Variants in CARNMT1 observed in about 807,000 individuals in gnomAD.
CARNMT1 encodes carnosine N-methyltransferase 1, also known as protein-L-histidine N-pros-methyltransferase CARNMT1.
Under a neutral mutation model 49.6 loss-of-function variants are expected in CARNMT1, and 28 were observed. The ratio of observed to expected loss-of-function variants is 0.56; its 90% CI spans 0.42 to 0.77. CARNMT1 has a LOEUF of 0.77. CARNMT1 is among the 30% of genes least tolerant of loss of function. The probability of loss-of-function intolerance (pLI) is 0.00; values close to 1 mark genes in which losing one functional copy is unlikely to be tolerated. For missense variants in CARNMT1, 421 were observed against 512.6 expected (o/e 0.82, Z 1.73); for synonymous variants, 178 against 175.0 (o/e 1.02, Z -0.13).
chr9:75,023,636 T>C (rs1822441546), intron 1 of CARNMT1, among the ~76,000 whole-genome samples: 1 of 152,366 alleles, frequency 6.6e-6, no homozygotes, highest in Non-Finnish European at 1.5e-5. Flanking sequence ...ATCCTTATTA[T>C]ACCCTTATAA....
intron 5 of CARNMT1, 76 bp downstream of exon 5, chr9:74,998,522 C>A: frequency 8.3e-7 from 1 of 1,211,870 alleles, no homozygotes; most frequent in Non-Finnish European, 1.1e-6. Context: ...TGATCTAAAC[C>A]TTGGCTTAGG....
At chr9:75,028,377 C>G, upstream of CARNMT1, 1 of 1,299,144 alleles carries the variant, frequency 7.7e-7, no homozygotes, top group South Asian at 2.4e-5. Flanking sequence ...CCCCCGCCAC[C>G]CTCAGGCCTC....
intron 1 of CARNMT1, among the ~76,000 whole-genome samples, chr9:75,019,940 A>G (rs1442758441): frequency 6.6e-6 from 1 of 152,226 alleles, no homozygotes; most frequent in East Asian, 1.9e-4. Flanking sequence ...GGATAACCTC[A>G]AGAACATATA....
intron 6 of CARNMT1, among the ~76,000 whole-genome samples, chr9:74,986,464 T>A (rs1221363844): frequency 6.6e-6 from 1 of 152,180 alleles, no homozygotes; most frequent in Non-Finnish European, 1.5e-5. Flanking sequence ...AAAATGATTG[T>A]TTTCTACCAT....
chr9:75,025,489 CTG>C (rs1464330971), intron 1 of CARNMT1, among the ~76,000 whole-genome samples: 1 of 152,094 alleles, frequency 6.6e-6, no homozygotes, highest in African/African-American at 2.4e-5. Flanking sequence ...CATGTAAGAT[CTG>C]TGTTTGTGTA....
At position 75,028,236 on chromosome 9, in the gene CARNMT1, C is replaced by A; in HGVS notation, c.6G>T (p.Gln2His). ...TGGGCGGCGGAGGGCGACGCCGTCG[C>A]TGCATCGCCGCCGCGGCCCTCGGCC... Reference protein sequence around the residue: MQRRRRPPPPTS... With the variant: MHRRRRPPPPTS... The change falls in exon 1 of 8, where the codon CAG (glutamine) becomes CAT (histidine). Residue 2 changes from glutamine (Q) to histidine (H), a missense_variant. Physicochemically the swap from Gln to His is conservative, Grantham distance 24. This residue lies in a region of CARNMT1 where 186 missense variants were observed against 167.9 expected (regional missense o/e 1.11). Coordinates refer to ENST00000376834, the MANE Select transcript of CARNMT1 (RefSeq NM_152420.3). The A allele has an allele frequency of 7.2e-7, 1 of 1,381,008 alleles. No individual in the cohort carries two copies. Among genetic ancestry groups the A allele is most frequent in the South Asian group, 1.8e-5 (1 of 56,984 alleles). The allele number at this position is 1,381,008 out of a possible 1,614,324, so 85.5% of individuals were successfully genotyped here.
At chr9:75,016,523 G>T (rs368573143) in intron 2 of CARNMT1, 92 bp from the exon 3 acceptor site, 36 of 1,194,104 alleles carry the variant, frequency 3.0e-5, no homozygotes, top group Non-Finnish European at 4.2e-5. Context: ...CTATATAGGT[G>T]GTTTAGTGGA....
chr9:75,014,775 AG>A (rs1833796551), intron 3 of CARNMT1, among the ~76,000 whole-genome samples: 3 of 152,200 alleles, frequency 2.0e-5, no homozygotes, highest in Admixed American at 6.5e-5. Flanking sequence ...TGAGCCCAGG[AG>A]GCGGAGGTTG....
intron 3 of CARNMT1, among the ~76,000 whole-genome samples, chr9:75,010,762 C>A (rs1345927596): frequency 6.6e-6 from 1 of 151,722 alleles, no homozygotes; most frequent in African/African-American, 2.4e-5. Flanking sequence ...ACATTTAAGA[C>A]ACCTCACAGT....
intron 3 of CARNMT1, among the ~76,000 whole-genome samples, chr9:75,015,012 A>C (rs933422169): frequency 1.3e-5 from 2 of 152,192 alleles, no homozygotes; most frequent in Admixed American, 1.3e-4. Context: ...AAGATCTTTA[A>C]ATAAGACTGA....
At chr9:75,024,788 C>G (rs958291662) in intron 1 of CARNMT1, among the ~76,000 whole-genome samples, 1 of 152,172 alleles carries the variant, frequency 6.6e-6, no homozygotes, top group African/African-American at 2.4e-5. Flanking sequence ...GACCCTTGAA[C>G]AATACTTGGG....
At chr9:75,011,363 G>GTTATTATTATTATTAT (rs1352566499) in intron 3 of CARNMT1, among the ~76,000 whole-genome samples, 1 of 152,106 alleles carries the variant, frequency 6.6e-6, no homozygotes, top group Non-Finnish European at 1.5e-5. Context: ...TGTCCCTCCT[G>GTTATTATTATTATTAT]TGATTGTCAT....
chr9:75,007,356 AC>A (rs1386260149), intron 3 of CARNMT1, among the ~76,000 whole-genome samples: 11 of 152,210 alleles, frequency 7.2e-5, no homozygotes, highest in African/African-American at 2.7e-4. Flanking sequence ...GGAAGAAAAA[AC>A]ATATATATCA....
At chr9:75,028,405 G>A (rs1445639735), upstream of CARNMT1, 6 of 1,290,872 alleles carry the variant, frequency 4.6e-6, no homozygotes, top group South Asian at 5.0e-5. Context: ...GCTGGGCTCC[G>A]CCAGGTCTTC....
At chr9:74,999,943 C>T (rs1368670374) in intron 3 of CARNMT1, 73 bp from the exon 4 acceptor site, 1 of 1,421,702 alleles carries the variant, frequency 7.0e-7, no homozygotes, top group African/African-American at 1.4e-5. Flanking sequence ...ACATTAACAA[C>T]TAAAAACTTA....
chr9:75,013,698 G>A (rs907107773), intron 3 of CARNMT1, among the ~76,000 whole-genome samples: 1 of 151,980 alleles, frequency 6.6e-6, no homozygotes, highest in African/African-American at 2.4e-5. Context: ...GACCAAAGAG[G>A]GTAATTATAA....
rs1485107601 is a variant in CARNMT1 at position 74,983,038 on chromosome 9, T to A, written c.*729A>T. ...AAGAAATGTTTGATGCTTCTTTAAG[T>A]TCATCTGAGCCAGAAAATACAAAAT... On this transcript the variant is annotated 3_prime_UTR_variant, in exon 8 of 8. Coordinates refer to ENST00000376834, the MANE Select transcript of CARNMT1 (RefSeq NM_152420.3). The A allele has an allele frequency of 6.6e-6, 1 of 152,166 alleles. No individual in the cohort carries two copies. Among genetic ancestry groups the A allele is most frequent in the African/African-American group, 2.4e-5 (1 of 41,434 alleles). The allele number at this position is 152,166 out of a possible 1,614,324, so 9.4% of individuals were successfully genotyped here.
rs1010934646 is a variant in CARNMT1 at position 75,028,222 on chromosome 9, G to C, written c.20C>G (p.Pro7Arg). 2.9e-6 allele frequency: 4 copies of C among 1,400,874 alleles called. No individual in the cohort carries two copies. In the African/African-American group the frequency reaches 6.1e-5, roughly 21 times the overall value. 86.8% of individuals were successfully genotyped at this position (1,400,874 alleles called of 1,614,324 possible). A position where few individuals can be genotyped will look rare whatever the true frequency, so the allele number is the denominator to read the frequency against. The change falls in exon 1 of 8, where the codon CCT (proline) becomes CGT (arginine). Residue 7 changes from proline to arginine, a missense_variant. Coordinates refer to ENST00000376834, the MANE Select transcript of CARNMT1 (RefSeq NM_152420.3). Reference sequence around the variant, plus strand: ...GGGCAGCCGGGAGGTGGGCGGCGGAGGGCGACGCCGTCGCTGCATCGCCGC... The same window carrying C: ...GGGCAGCCGGGAGGTGGGCGGCGGACGGCGACGCCGTCGCTGCATCGCCGC... MQRRRRPPPPTSRLPEG... is the reference protein window; with the variant it reads MQRRRRRPPPTSRLPEG...
intron 6 of CARNMT1, among the ~76,000 whole-genome samples, chr9:74,995,683 T>A (rs915378713): frequency 2.0e-5 from 3 of 152,162 alleles, no homozygotes; most frequent in African/African-American, 7.2e-5. Context: ...GGCCAAGGGC[T>A]CAAGACCATG....
Sources: allele counts gnomAD v4.1 joint callset (sites outside exome capture counted in the v4.1 genomes callset), GRCh38; gene constraint gnomAD v4.1.1; regional missense constraint gnomAD v4.1.1; transcripts MANE v1.5; gene names NCBI Gene and HGNC (gene_info 2026-07-23, HGNC 2026-07-21).